Variants in KHSRP observed in about 807,000 individuals in gnomAD.
KHSRP encodes far upstream element-binding protein 2.
Under a neutral mutation model 94.9 loss-of-function variants are expected in KHSRP, and 13 were observed. The observed-to-expected ratio is 0.14, with a 90% CI of 0.09 to 0.22. The LOEUF is 0.22. KHSRP is among the 10% of genes least tolerant of loss of function. KHSRP has a pLI of 1.00. For synonymous variants in KHSRP, 495 were observed against 401.4 expected (o/e 1.23, Z -2.79); for missense variants, 710 against 1,010.0 (o/e 0.70, Z 4.03).
Position 6,414,658 on chromosome 19 carries a change from T to C in KHSRP, c.*366A>G, listed in dbSNP as rs919313219. On this transcript the variant is annotated 3_prime_UTR_variant, in exon 19 of 19. Transcript: ENST00000600480. Reference sequence around the variant, plus strand: ...CCAGGCCGCCTGCAACACAGTCACTTGGACACAGGAAAAAAGATCATGGGT... The same window carrying C: ...CCAGGCCGCCTGCAACACAGTCACTCGGACACAGGAAAAAAGATCATGGGT... The C allele has an allele frequency of 2.0e-6, 2 of 1,013,346 alleles. No individual in the cohort carries two copies. The highest frequency in any genetic ancestry group is 2.4e-6 in the Non-Finnish European group (2 of 849,118). The allele number at this position is 1,013,346 out of a possible 1,614,324, so 62.8% of individuals were successfully genotyped here.
chr19:6,417,627 T>G (rs2092159593), intron 11 of KHSRP, 112 bp downstream of exon 11: 10 of 769,148 alleles, frequency 1.3e-5, no homozygotes, highest in African/African-American at 3.4e-5. Flanking sequence ...CTAAGAGCCG[T>G]GAGGTGCTAT....
In KHSRP at chr19:6,415,245, T is replaced by C. The variant is rs760199359; in HGVS notation, c.2023A>G (p.Ser675Gly). 6.2e-7 allele frequency: 1 copy of C among 1,612,876 alleles called. No individual in the cohort carries two copies. The highest frequency in any genetic ancestry group is 8.5e-7 in the Non-Finnish European group (1 of 1,179,822). Residue 675 changes from serine (S) to glycine (G), a missense_variant, in exon 19 of 19, where the codon AGT becomes GGT. Around this residue, in one of 5 missense-constraint regions of KHSRP, gnomAD observed 292 missense variants for 340.5 expected, o/e 0.86. Coordinates refer to ENST00000600480, the MANE Select transcript of KHSRP (RefSeq NM_001366299.1). ...CTGTAATATTCCGCCCAGGCGGCAC[T>C]GTAGTCTGGCTGGGAGCCTGGGGGA... ...GAPPGSQPDYSAAWAEYYRQQ... is the reference protein window; with the variant it reads ...GAPPGSQPDYGAAWAEYYRQQ...
rs1226688472 is a variant in KHSRP, at chr19:6,414,284, G to A, written c.*740C>T. Reference sequence around the variant, plus strand: ...GAAGGACGTGCTTGTTAACTGTCTAGCCAGGTGCTCGCGGGACTCGCTGAA... The same window carrying A: ...GAAGGACGTGCTTGTTAACTGTCTAACCAGGTGCTCGCGGGACTCGCTGAA... On this transcript the variant is annotated 3_prime_UTR_variant, in exon 19 of 19. Coordinates refer to ENST00000600480, the MANE Select transcript of KHSRP (RefSeq NM_001366299.1). The A allele has an allele frequency of 2.3e-5, 32 of 1,415,892 alleles. No individual in the cohort carries two copies. The highest frequency in any genetic ancestry group is 3.0e-5 in the Non-Finnish European group (32 of 1,078,928). 87.7% of individuals were successfully genotyped at this position (1,415,892 alleles called of 1,614,324 possible).
chr19:6,415,928 G>T, intron 15 of KHSRP, 32 bp from the exon 16 acceptor site: 2 of 1,379,564 alleles, frequency 1.4e-6, no homozygotes, highest in Non-Finnish European at 1.9e-6. Flanking sequence ...TGCTTGAGCA[G>T]TGGTGCGGGG....
chr19:6,417,037 T>C lies in KHSRP; in HGVS notation c.1132A>G (p.Arg378Gly). 1 of 1,613,630 alleles carries C rather than the reference T, an allele frequency of 6.2e-7. No homozygotes were observed. The highest frequency in any genetic ancestry group is 8.5e-7 in the Non-Finnish European group (1 of 1,179,846). ...ATGATCCGGGCTGCGTGCTCGCACC[T>C]GTCTGGGGGCCCCATTATATGAGCA... ...KIAHIMGPPD[R>G]CEHAARIIND... The change falls in exon 12 of 19, where the codon AGG (arginine) becomes GGG (glycine). Residue 378 changes from arginine to glycine, a missense_variant. Transcript: ENST00000600480.
intron 15 of KHSRP, among the ~76,000 whole-genome samples, 196 bp downstream of exon 15, chr19:6,416,102 G>T (rs189946046): frequency 5.9e-5 from 9 of 152,340 alleles, no homozygotes; most frequent in African/African-American, 2.2e-4. Flanking sequence ...CGCGAAACTT[G>T]CACGTGCACA....
At position 6,418,393 on chromosome 19, in the gene KHSRP, T is replaced by C. The variant is rs1341678420; in HGVS notation, c.879+90A>G. The C allele has an allele frequency of 3.3e-6, 3 of 911,014 alleles. No homozygotes were observed. The highest frequency in any genetic ancestry group is 5.3e-6 in the Non-Finnish European group (3 of 568,170). 56.4% of individuals were successfully genotyped at this position (911,014 alleles called of 1,614,324 possible). Reference sequence around the variant, plus strand: ...TTATGACCGACTGTTCACATATCTCTCTGGCGGAATGCAGACCCCGAGACC... The same window carrying C: ...TTATGACCGACTGTTCACATATCTCCCTGGCGGAATGCAGACCCCGAGACC... On this transcript the variant is annotated intron_variant, in intron 9 of 18. Coordinates refer to ENST00000600480, the MANE Select transcript of KHSRP (RefSeq NM_001366299.1). This position sits in a 1 kb window ranked among gnomAD's most constrained non-coding sequence, Gnocchi z 4.3.
rs2092136459 is a variant in KHSRP, at chr19:6,415,435, T to G, written c.1911A>C (p.Gly637=). 1 of 1,571,088 alleles carries G rather than the reference T, an allele frequency of 6.4e-7. No homozygotes were observed. The highest frequency in any genetic ancestry group is 1.2e-5 in the South Asian group (1 of 85,822). ...TCGTGTAGTCCTGCTGTGGGGGTGC[T>G]CCGGGCTGCTGGGGCTGCTGGCCTG... The part of the protein sequence containing the change: ...KKIGQQPQQP[G]APPQQDYTKA... Residue 637 remains glycine (G), a synonymous_variant, in exon 18 of 19, where the codon GGA becomes GGC. Coordinates refer to ENST00000600480, the MANE Select transcript of KHSRP (RefSeq NM_001366299.1).
intron 5 of KHSRP, 118 bp from the exon 6 acceptor site, chr19:6,420,262 A>G (rs1440504794): frequency 1.8e-5 from 20 of 1,142,512 alleles, no homozygotes; most frequent in Non-Finnish European, 2.1e-5. Flanking sequence ...GCAGTCCTCT[A>G]GAGAGCTCCT....
rs1269893124 is a variant in KHSRP, at chr19:6,418,346, C to A, written c.879+137G>T. The A allele has an allele frequency of 5.7e-6, 4 of 703,252 alleles. No homozygotes were observed. Among genetic ancestry groups the A allele is most frequent in the Non-Finnish European group, 9.9e-6 (4 of 404,844 alleles). 43.6% of individuals were successfully genotyped at this position (703,252 alleles called of 1,614,324 possible). Reference sequence around the variant, plus strand: ...AGTTCAGGGCCATCCTACGAGCCAGCGCTCTTGCAAGCCTCTTGGTGTTAT... The same window carrying A: ...AGTTCAGGGCCATCCTACGAGCCAGAGCTCTTGCAAGCCTCTTGGTGTTAT... On this transcript the variant is annotated intron_variant, in intron 9 of 18. Transcript: ENST00000600480. The surrounding 1 kb of genome is among the most constrained non-coding windows in gnomAD (Gnocchi z 4.3).
intron 6 of KHSRP, among the ~76,000 whole-genome samples, 172 bp downstream of exon 6, chr19:6,419,901 C>T (rs532214724): frequency 6.6e-6 from 1 of 152,340 alleles, no homozygotes; most frequent in East Asian, 1.9e-4. Context: ...AGCTGTGCCC[C>T]GTGGGCAGTA....
At chr19:6,420,339 G>A in intron 5 of KHSRP, 83 bp downstream of exon 5, 1 of 1,408,852 alleles carries the variant, frequency 7.1e-7, no homozygotes, top group Admixed American at 1.8e-5. Context: ...TCTCAGACCA[G>A]GGCTTCTGGG....
At chr19:6,415,342 G>A (rs768261099) in intron 18 of KHSRP, 38 bp downstream of exon 18, 3 of 1,612,806 alleles carry the variant, frequency 1.9e-6, no homozygotes, top group East Asian at 4.5e-5. Context: ...GTGGGTGAGG[G>A]CTGCCCCTGC....
In KHSRP at chr19:6,416,478, G is replaced by T. The variant is rs200038066; in HGVS notation, c.1488+12C>A. 1.2e-6 allele frequency: 2 copies of T among 1,612,292 alleles called. No individual in the cohort carries two copies. Among genetic ancestry groups the T allele is most frequent in the Non-Finnish European group, 1.7e-6 (2 of 1,179,290 alleles). Reference sequence around the variant, plus strand: ...CTGTGAGACCAAATCCCCAGAGCCCGCCCCAACCCACCTCGATCTTTTCCT... The same window carrying T: ...CTGTGAGACCAAATCCCCAGAGCCCTCCCCAACCCACCTCGATCTTTTCCT... On this transcript the variant is annotated intron_variant, in intron 14 of 18. Coordinates refer to ENST00000600480, the MANE Select transcript of KHSRP (RefSeq NM_001366299.1).
In KHSRP at chr19:6,413,916, G is replaced by T; in HGVS notation, c.*1108C>A. 1.9e-6 allele frequency: 1 copy of T among 517,854 alleles called. No homozygotes were observed. Among genetic ancestry groups the T allele is most frequent in the Non-Finnish European group, 3.1e-6 (1 of 325,214 alleles). 32.1% of individuals were successfully genotyped at this position (517,854 alleles called of 1,614,324 possible). On this transcript the variant is annotated 3_prime_UTR_variant, in exon 19 of 19. Coordinates refer to ENST00000600480, the MANE Select transcript of KHSRP (RefSeq NM_001366299.1). ...ATCCCAATTTTGAAAGAAAAAGCAT[G>T]TGAGACACAGAACAGGCGAGAGAGT...
intron 6 of KHSRP, 39 bp downstream of exon 6, chr19:6,420,034 C>G (rs761005076): frequency 6.7e-7 from 1 of 1,496,156 alleles, no homozygotes; most frequent in Non-Finnish European, 9.3e-7. Flanking sequence ...AGGGCCCAAC[C>G]CTGGCCCCCA....
At chr19:6,415,960 G>T (rs1306190965) in intron 15 of KHSRP, 64 bp from the exon 16 acceptor site, 1 of 1,069,764 alleles carries the variant, frequency 9.3e-7, no homozygotes, top group Non-Finnish European at 1.3e-6. Context: ...CGGACCACCT[G>T]GGGTGGGGAT....
chr19:6,421,497 G>C (rs1261430701), intron 3 of KHSRP, 153 bp downstream of exon 3: 1 of 1,036,858 alleles, frequency 9.6e-7, no homozygotes, highest in African/African-American at 1.6e-5. Context: ...TCAATTTCAG[G>C]GTTCCTGGGA....
chr19:6,420,521 ACAG>A (rs760367505), intron 4 of KHSRP, 50 bp from the exon 5 acceptor site: 1 of 1,565,568 alleles, frequency 6.4e-7, no homozygotes. Flanking sequence ...AGGGAGGAGG[ACAG>A]CAGCTCTGGA....
Sources: allele counts gnomAD v4.1 joint callset (sites outside exome capture counted in the v4.1 genomes callset), GRCh38; gene constraint gnomAD v4.1.1; regional missense constraint gnomAD v4.1.1; non-coding constraint Gnocchi (gnomAD v3.1); transcripts MANE v1.5; gene names NCBI Gene and HGNC (gene_info 2026-07-23, HGNC 2026-07-21).